Variants in OR5F1 observed in about 807,000 individuals in gnomAD.
OR5F1 encodes olfactory receptor 5F1.
For synonymous variants in OR5F1, 185 were observed against 153.2 expected, an observed-to-expected ratio of 1.21 and a Z score of -1.53; for missense variants, 429 against 369.9, an observed-to-expected ratio of 1.16 and a Z score of -1.31.
rs1408044143 is a variant in OR5F1 at position 55,993,940 on chromosome 11, T to A, written c.686A>T (p.His229Leu). 6.8e-6 allele frequency: 11 copies of A among 1,613,762 alleles called. No homozygotes were observed. Among genetic ancestry groups the A allele is most frequent in the Non-Finnish European group, 9.3e-6 (11 of 1,179,968 alleles). Residue 229 changes from histidine (H) to leucine (L), a missense_variant, in exon 1 of 1, where the codon CAT becomes CTT. By Grantham distance (99) the His-to-Leu change is moderately conservative. Transcript: ENST00000278409. ...SYVLFSIFSMHSGEGRHRAFS... is the reference protein window; with the variant it reads ...SYVLFSIFSMLSGEGRHRAFS... Reference sequence around the variant, plus strand: ...AGCTCTGTGCCTCCCCTCCCCCGAATGCATAGAAAAAATGGAGAAGAGAAC... The same window carrying A: ...AGCTCTGTGCCTCCCCTCCCCCGAAAGCATAGAAAAAATGGAGAAGAGAAC...
Position 55,994,239 on chromosome 11 carries a change from C to A in OR5F1, c.387G>T (p.Pro129=). ...TGGACATGATCAAGGAGTAAAGCAG[C>A]GGGCGACATATGGCCGCATACCTGT... ...AYDRYAAICR[P]LLYSLIMSRT... Residue 129 remains proline (P), a synonymous_variant, in exon 1 of 1, where the codon CCG becomes CCT. Coordinates refer to ENST00000278409, the MANE Select transcript of OR5F1 (RefSeq NM_003697.1). The A allele has an allele frequency of 6.2e-7, 1 of 1,613,856 alleles. No homozygotes were observed. Among genetic ancestry groups the A allele is most frequent in the Non-Finnish European group, 8.5e-7 (1 of 1,179,946 alleles).
In OR5F1 at chr11:55,993,965, C is replaced by G; in HGVS notation, c.661G>C (p.Val221Leu). The G allele has an allele frequency of 1.2e-6, 2 of 1,613,852 alleles. No individual in the cohort carries two copies. Among genetic ancestry groups the G allele is most frequent in the South Asian group, 1.1e-5 (1 of 91,072 alleles). The change falls in exon 1 of 1, where the codon GTT (valine) becomes CTT (leucine). Residue 221 changes from valine to leucine, a missense_variant. Physicochemically the swap from Val to Leu is conservative, Grantham distance 32. Transcript: ENST00000278409. ...LLVILSSYSY[V>L]LFSIFSMHSG... is the part of the protein sequence containing the mutation. The stretch of plus-strand genomic sequence containing the variant: ...TGCATAGAAAAAATGGAGAAGAGAA[C>G]GTAGGAGTAGGAGGAGAGGATGACA...
rs756763105 is a variant in OR5F1 at position 55,994,088 on chromosome 11, C to T, written c.538G>A (p.Asp180Asn). Residue 180 changes from aspartate to asparagine, a missense_variant, in exon 1 of 1, where the codon GAC becomes AAC. By Grantham distance (23) the Asp-to-Asn change is conservative (BLOSUM62 1). Transcript: ENST00000278409. ...DSNVIHHFFC[D>N]SPPLFKLSCS... Reference sequence around the variant, plus strand: ...GAGAGCTTGAAAAGTGGGGGACTGTCACAGAAGAAGTGATGGATGACATTG... The same window carrying T: ...GAGAGCTTGAAAAGTGGGGGACTGTTACAGAAGAAGTGATGGATGACATTG... The T allele has an allele frequency of 1.2e-6, 2 of 1,613,922 alleles. No individual in the cohort carries two copies. Among genetic ancestry groups the T allele is most frequent in the South Asian group, 1.1e-5 (1 of 91,058 alleles).
At position 55,994,255 on chromosome 11, in the gene OR5F1, G is replaced by T. The variant is rs780899733; in HGVS notation, c.371C>A (p.Ala124Glu). 1.2e-6 allele frequency: 2 copies of T among 1,613,762 alleles called. No individual in the cohort carries two copies. The highest frequency in any genetic ancestry group is 1.7e-6 in the Non-Finnish European group (2 of 1,179,830). Residue 124 changes from alanine (A) to glutamate (E), a missense_variant, in exon 1 of 1, where the codon GCG becomes GAG. Physicochemically the swap from Ala to Glu is moderately radical, Grantham distance 107. Transcript: ENST00000278409. The part of the protein sequence containing the change: ...LFGLMAYDRY[A>E]AICRPLLYSL... ...GTAAAGCAGCGGGCGACATATGGCC[G>T]CATACCTGTCATAGGCCATTAACCC...
chr11:55,993,957 G>T lies in OR5F1; in HGVS notation c.669C>A (p.Phe223Leu). ...CCCCCGAATGCATAGAAAAAATGGAGAAGAGAACGTAGGAGTAGGAGGAGA... is the reference window on the plus strand; with the variant it reads ...CCCCCGAATGCATAGAAAAAATGGATAAGAGAACGTAGGAGTAGGAGGAGA... ...VILSSYSYVL[F>L]SIFSMHSGEG... Residue 223 changes from phenylalanine (F) to leucine (L), a missense_variant, in exon 1 of 1, where the codon TTC (phenylalanine) becomes TTA (leucine). By Grantham distance (22) the Phe-to-Leu change is conservative. Coordinates refer to ENST00000278409, the MANE Select transcript of OR5F1 (RefSeq NM_003697.1). 1 of 1,613,960 alleles carries T rather than the reference G, an allele frequency of 6.2e-7. No homozygotes were observed. The highest frequency in any genetic ancestry group is 8.5e-7 in the Non-Finnish European group (1 of 1,179,988).
chr11:55,993,818 G>C lies in OR5F1; in HGVS notation c.808C>G (p.Gln270Glu), dbSNP rs1852988267. 7 of 1,613,684 alleles carry C rather than the reference G, an allele frequency of 4.3e-6. No individual in the cohort carries two copies. In the East Asian group the frequency reaches 1.3e-4, roughly 31 times the overall value. ...LRPSSSYSLNQDKVASVFYTV... is the reference protein window; with the variant it reads ...LRPSSSYSLNEDKVASVFYTV... ...TAGAACACAGAAGCCACTTTGTCCTGATTCAGGGAGTAGCTGGAACTAGGT... is the reference window on the plus strand; with the variant it reads ...TAGAACACAGAAGCCACTTTGTCCTCATTCAGGGAGTAGCTGGAACTAGGT... The change falls in exon 1 of 1, where the codon CAG becomes GAG. Residue 270 changes from glutamine to glutamate, a missense_variant. Physicochemically the swap from Gln to Glu is conservative, Grantham distance 29. Coordinates refer to ENST00000278409, the MANE Select transcript of OR5F1 (RefSeq NM_003697.1).
chr11:55,994,015 C>G lies in OR5F1; in HGVS notation c.611G>C (p.Gly204Ala). 6.2e-7 allele frequency: 1 copy of G among 1,613,978 alleles called. No homozygotes were observed. The highest frequency in any genetic ancestry group is 8.5e-7 in the Non-Finnish European group (1 of 1,179,980). The change falls in exon 1 of 1, where the codon GGT becomes GCT. Residue 204 changes from glycine (G) to alanine (A), a missense_variant. Coordinates refer to ENST00000278409, the MANE Select transcript of OR5F1 (RefSeq NM_003697.1). ...AAGCAGAGTCCCCACAATATTCACA[C>G]CAGCCAAAATAGAACTTATGCTTTC... is the stretch of plus-strand genomic sequence containing the variant. The part of the protein sequence containing the change: ...LKESISSILA[G>A]VNIVGTLLVI...
At position 55,993,782 on chromosome 11, in the gene OR5F1, T is replaced by C; in HGVS notation, c.844A>G (p.Ile282Val). The change falls in exon 1 of 1, where the codon ATT becomes GTT. Residue 282 changes from isoleucine (I) to valine (V), a missense_variant. Transcript: ENST00000278409. ...KVASVFYTVV[I>V]PMLNPLIYSL... Reference sequence around the variant, plus strand: ...TAGATCAGAGGATTCAACATGGGAATCACCACTGTGTAGAACACAGAAGCC... The same window carrying C: ...TAGATCAGAGGATTCAACATGGGAACCACCACTGTGTAGAACACAGAAGCC... 1 of 1,612,384 alleles carries C rather than the reference T, an allele frequency of 6.2e-7. No homozygotes were observed. Among genetic ancestry groups the C allele is most frequent in the South Asian group, 1.1e-5 (1 of 91,034 alleles).
chr11:55,993,816 C>T lies in OR5F1; in HGVS notation c.810G>A (p.Gln270=), dbSNP rs368044547. 1.9e-4 allele frequency: 307 copies of T among 1,613,530 alleles called. No individual in the cohort carries two copies. The highest frequency in any genetic ancestry group is 2.5e-4 in the Non-Finnish European group (298 of 1,179,858). Residue 270 remains glutamine (Q), a synonymous_variant, in exon 1 of 1, where the codon CAG becomes CAA. Coordinates refer to ENST00000278409, the MANE Select transcript of OR5F1 (RefSeq NM_003697.1). ...TGTAGAACACAGAAGCCACTTTGTC[C>T]TGATTCAGGGAGTAGCTGGAACTAG... ...LRPSSSYSLN[Q]DKVASVFYTV... is the part of the protein sequence containing the mutation.
At position 55,994,001 on chromosome 11, in the gene OR5F1, C is replaced by T. The variant is rs1254335717; in HGVS notation, c.625G>A (p.Gly209Arg). 2 of 1,613,926 alleles carry T rather than the reference C, an allele frequency of 1.2e-6. No individual in the cohort carries two copies. The highest frequency in any genetic ancestry group is 1.7e-5 in the Admixed American group (1 of 59,982). Residue 209 changes from glycine to arginine, a missense_variant, in exon 1 of 1, where the codon GGG (glycine) becomes AGG (arginine). Gly to Arg is a moderately radical substitution (Grantham distance 125). Coordinates refer to ENST00000278409, the MANE Select transcript of OR5F1 (RefSeq NM_003697.1). ...GAGGAGAGGATGACAAGCAGAGTCC[C>T]CACAATATTCACACCAGCCAAAATA... ...SSILAGVNIV[G>R]TLLVILSSYS...
chr11:55,993,714 T>G lies in OR5F1; in HGVS notation c.912A>C (p.Val304=). Residue 304 remains valine, a synonymous_variant, in exon 1 of 1, where the codon GTA becomes GTC. Coordinates refer to ENST00000278409, the MANE Select transcript of OR5F1 (RefSeq NM_003697.1). The part of the protein sequence containing the change: ...SKEVKKALAN[V]ISRKRTSSFL ...AGGAAGAGGTCCTTTTCCTGCTAAT[T>G]ACATTCGCTAAAGCCTTCTTTACTT... 6.3e-7 allele frequency: 1 copy of G among 1,591,888 alleles called. No individual in the cohort carries two copies. The highest frequency in any genetic ancestry group is 8.5e-7 in the Non-Finnish European group (1 of 1,169,596).
In OR5F1 at chr11:55,994,152, G is replaced by A. The variant is rs867877456; in HGVS notation, c.474C>T (p.Val158=). ...ACAAGCTGCTGACATGGCTTGTGTT[G>A]ACCATGAAGTTCAGCAACCCTGCAG... ...AFAAGLLNFM[V]NTSHVSSLSF... Residue 158 remains valine (V), a synonymous_variant, in exon 1 of 1, where the codon GTC becomes GTT. Coordinates refer to ENST00000278409, the MANE Select transcript of OR5F1 (RefSeq NM_003697.1). The A allele has an allele frequency of 2.5e-6, 4 of 1,613,908 alleles. No homozygotes were observed. Among genetic ancestry groups the A allele is most frequent in the Non-Finnish European group, 3.4e-6 (4 of 1,179,984 alleles).
chr11:55,994,098 G>C lies in OR5F1; in HGVS notation c.528C>G (p.His176Gln). Residue 176 changes from histidine to glutamine, a missense_variant, in exon 1 of 1, where the codon CAC (histidine) becomes CAG (glutamine). Physicochemically the swap from His to Gln is conservative, Grantham distance 24. Coordinates refer to ENST00000278409, the MANE Select transcript of OR5F1 (RefSeq NM_003697.1). ...AAAGTGGGGGACTGTCACAGAAGAAGTGATGGATGACATTGGAGTCACAGA... is the reference window on the plus strand; with the variant it reads ...AAAGTGGGGGACTGTCACAGAAGAACTGATGGATGACATTGGAGTCACAGA... ...LSFCDSNVIHHFFCDSPPLFK... is the reference protein window; with the variant it reads ...LSFCDSNVIHQFFCDSPPLFK... The C allele has an allele frequency of 6.2e-7, 1 of 1,614,036 alleles. No individual in the cohort carries two copies. Among genetic ancestry groups the C allele is most frequent in the Non-Finnish European group, 8.5e-7 (1 of 1,180,002 alleles).
In OR5F1 at chr11:55,993,935, C is replaced by A; in HGVS notation, c.691G>T (p.Gly231Trp). The change falls in exon 1 of 1, where the codon GGG becomes TGG. Residue 231 changes from glycine to tryptophan, a missense_variant. Gly to Trp is a radical substitution (Grantham distance 184). Transcript: ENST00000278409. ...GAGAAAGCTCTGTGCCTCCCCTCCC[C>A]CGAATGCATAGAAAAAATGGAGAAG... The part of the protein sequence containing the change: ...VLFSIFSMHS[G>W]EGRHRAFSTC... The A allele has an allele frequency of 3.7e-6, 6 of 1,613,804 alleles. No homozygotes were observed. Among genetic ancestry groups the A allele is most frequent in the African/African-American group, 1.3e-5 (1 of 74,898 alleles).
chr11:55,994,142 G>A lies in OR5F1; in HGVS notation c.484C>T (p.His162Tyr), dbSNP rs973651186. The stretch of plus-strand genomic sequence containing the variant: ...TCACAGAATGACAAGCTGCTGACAT[G>A]GCTTGTGTTGACCATGAAGTTCAGC... ...GLLNFMVNTS[H>Y]VSSLSFCDSN... The change falls in exon 1 of 1, where the codon CAT becomes TAT. Residue 162 changes from histidine (H) to tyrosine (Y), a missense_variant. Transcript: ENST00000278409. 1.9e-6 allele frequency: 3 copies of A among 1,613,832 alleles called. No homozygotes were observed. Among genetic ancestry groups the A allele is most frequent in the Non-Finnish European group, 1.7e-6 (2 of 1,179,958 alleles).
chr11:55,994,061 AAG>A lies in OR5F1; in HGVS notation c.563_564del (p.Ser188LeufsTer3), dbSNP rs1852992862. ...CTTTCTTTCAGGATTGTGTCAGAAC[AAG>A]AGAGCTTGAAAAGTGGGGGACTGTC... ...FCDSPPLFKL[S>X]CSDTILKESI... is the part of the protein sequence containing the mutation. On this transcript the variant is annotated frameshift_variant, in exon 1 of 1. Coordinates refer to ENST00000278409, the MANE Select transcript of OR5F1 (RefSeq NM_003697.1). LOFTEE classifies it low-confidence loss of function (END_TRUNC). The A allele has an allele frequency of 6.2e-7, 1 of 1,613,904 alleles. No individual in the cohort carries two copies. Among genetic ancestry groups the A allele is most frequent in the African/African-American group, 1.3e-5 (1 of 74,852 alleles).
Position 55,994,243 on chromosome 11 carries a change from C to A in OR5F1, c.383G>T (p.Arg128Leu), listed in dbSNP as rs190524347. Residue 128 changes from arginine to leucine, a missense_variant, in exon 1 of 1, where the codon CGC becomes CTC. Transcript: ENST00000278409. ...MAYDRYAAIC[R>L]PLLYSLIMSR... is the part of the protein sequence containing the mutation. ...CATGATCAAGGAGTAAAGCAGCGGG[C>A]GACATATGGCCGCATACCTGTCATA... 1.2e-5 allele frequency: 20 copies of A among 1,613,776 alleles called. No individual in the cohort carries two copies. The East Asian group carries it at 4.0e-4, about 32-fold the overall frequency.
At position 55,994,137 on chromosome 11, in the gene OR5F1, G is replaced by A. The variant is rs759691323; in HGVS notation, c.489C>T (p.Val163=). The change falls in exon 1 of 1, where the codon GTC becomes GTT. Residue 163 remains valine (V), a synonymous_variant. Transcript: ENST00000278409. ...LLNFMVNTSH[V]SSLSFCDSNV... is the part of the protein sequence containing the mutation. The stretch of plus-strand genomic sequence containing the variant: ...TGGAGTCACAGAATGACAAGCTGCT[G>A]ACATGGCTTGTGTTGACCATGAAGT... The A allele has an allele frequency of 1.2e-6, 2 of 1,613,970 alleles. No individual in the cohort carries two copies. Among genetic ancestry groups the A allele is most frequent in the Non-Finnish European group, 1.7e-6 (2 of 1,179,964 alleles).
In OR5F1 at chr11:55,994,352, T is replaced by G; in HGVS notation, c.274A>C (p.Ile92Leu). Reference protein sequence around the residue: ...LADLLSEKKTISFAGCFLQMY... With the variant: ...LADLLSEKKTLSFAGCFLQMY... ...TGTAGGAAGCAGCCAGCAAAAGAGATGGTTTTCTTCTCTGATAATAAATCT... is the reference window on the plus strand; with the variant it reads ...TGTAGGAAGCAGCCAGCAAAAGAGAGGGTTTTCTTCTCTGATAATAAATCT... Residue 92 changes from isoleucine (I) to leucine (L), a missense_variant, in exon 1 of 1, where the codon ATC becomes CTC. Coordinates refer to ENST00000278409, the MANE Select transcript of OR5F1 (RefSeq NM_003697.1). The G allele has an allele frequency of 6.2e-7, 1 of 1,613,932 alleles. No individual in the cohort carries two copies. The highest frequency in any genetic ancestry group is 2.2e-5 in the East Asian group (1 of 44,858).
Sources: allele counts gnomAD v4.1 joint callset, GRCh38; gene constraint gnomAD v4.1.1; transcripts MANE v1.5; gene names NCBI Gene and HGNC (gene_info 2026-07-23, HGNC 2026-07-21).